The following FUZ variants were observed in gnomAD, a reference collection of about 807,000 sequenced individuals.
FUZ encodes the protein fuzzy planar cell polarity protein.
In FUZ, 31 loss-of-function variants were observed where a neutral mutation model predicts 43.1. That is an observed-to-expected ratio of 0.72 (90% CI 0.54 to 0.97). The LOEUF (loss-of-function observed/expected upper bound fraction) is 0.97, where lower values mean the gene tolerates loss of function less well. Among genes scored for constraint, FUZ ranks in the 50% least tolerant of loss-of-function variants. The probability of loss-of-function intolerance (pLI) is 0.00; values close to 1 mark genes in which losing one functional copy is unlikely to be tolerated. For synonymous variants in FUZ, 274 were observed against 250.0 expected (o/e 1.10, Z -0.91); for missense variants, 539 against 543.8 (o/e 0.99, Z 0.09).
chr19:49,812,836 G>T, intron 1 of FUZ, 100 bp from the exon 2 acceptor site: 1 of 1,501,928 alleles, frequency 6.7e-7, no homozygotes, highest in South Asian at 1.1e-5. Flanking sequence ...CTTTCCATAT[G>T]ACCTGGCAGT....
chr19:49,809,956 C>T lies in FUZ; in HGVS notation c.493-381G>A. 1 of 374,938 alleles carries T rather than the reference C, an allele frequency of 2.7e-6. No homozygotes were observed. The highest frequency in any genetic ancestry group is 5.1e-6 in the Non-Finnish European group (1 of 197,792). 23.2% of individuals were successfully genotyped at this position (374,938 alleles called of 1,614,324 possible). On this transcript the variant is annotated intron_variant, in intron 5 of 10. Transcript: ENST00000313777. The surrounding 1 kb of genome is among the most constrained non-coding windows in gnomAD (Gnocchi z 5.1). ...GGGAGGCCGCCACACCAGGCAAGTC[C>T]ACAAGAGCAGTATTTAAGTAGAGGT...
chr19:49,807,027 C>G lies in FUZ; in HGVS notation c.*124G>C. On this transcript the variant is annotated 3_prime_UTR_variant, in exon 11 of 11. Coordinates refer to ENST00000313777, the MANE Select transcript of FUZ (RefSeq NM_025129.5). ...AGGGAAGTGGATGTCTCCTCCCCTC[C>G]CACCCCACCCTGTTGTAGCCCCTCC... The G allele has an allele frequency of 6.7e-7, 1 of 1,484,886 alleles. No individual in the cohort carries two copies. Among genetic ancestry groups the G allele is most frequent in the Non-Finnish European group, 9.0e-7 (1 of 1,106,382 alleles). The allele number at this position is 1,484,886 out of a possible 1,614,324, so 92.0% of individuals were successfully genotyped here. A position where few individuals can be genotyped will look rare whatever the true frequency, so the allele number is the denominator to read the frequency against.
In FUZ at chr19:49,808,701, T is replaced by G. The variant is rs1047400859; in HGVS notation, c.893+16A>C. On this transcript the variant is annotated intron_variant, in intron 8 of 10. Coordinates refer to ENST00000313777, the MANE Select transcript of FUZ (RefSeq NM_025129.5). The stretch of plus-strand genomic sequence containing the variant: ...AGGACATGACCCCCGACCCACTCCC[T>G]CCATCCGAGCCCTACCCGAGGATGT... 1 of 1,599,008 alleles carries G rather than the reference T, an allele frequency of 6.3e-7. No individual in the cohort carries two copies. The highest frequency in any genetic ancestry group is 1.7e-4 in the Middle Eastern group (1 of 6,048).
chr19:49,811,201 GAAAAAAA>G (rs55810357), intron 5 of FUZ, 155 bp downstream of exon 5: 1 of 530,688 alleles, frequency 1.9e-6, no homozygotes. Flanking sequence ...AGAAAGAAAA[GAAAAAAA>G]AAAAAGAAAA....
Position 49,806,894 on chromosome 19 carries a change from G to A in FUZ, c.*257C>T, listed in dbSNP as rs915583628. On this transcript the variant is annotated 3_prime_UTR_variant, in exon 11 of 11. Transcript: ENST00000313777. ...GGGGGATGCCTGGGACTTTCCTCCG[G>A]CCTTTTGTATTTTTATTTTTGTTCA... 1 of 1,543,426 alleles carries A rather than the reference G, an allele frequency of 6.5e-7. No individual in the cohort carries two copies. Among genetic ancestry groups the A allele is most frequent in the South Asian group, 1.2e-5 (1 of 84,590 alleles).
intron 5 of FUZ, among the ~76,000 whole-genome samples, chr19:49,810,786 G>GCCGTGAGCTATGA (rs2073738810): frequency 3.3e-5 from 5 of 152,242 alleles, no homozygotes; most frequent in African/African-American, 9.6e-5. Flanking sequence ...GGAGTTCAAG[G>GCCGTGAGCTATGA]CTGCAGTGAG....
rs747193091 is a variant in FUZ at position 49,808,702 on chromosome 19, C to A, written c.893+15G>T. The A allele has an allele frequency of 1.4e-5, 23 of 1,598,324 alleles. No homozygotes were observed. The highest frequency in any genetic ancestry group is 1.9e-5 in the Non-Finnish European group (22 of 1,172,566). The stretch of plus-strand genomic sequence containing the variant: ...GGACATGACCCCCGACCCACTCCCT[C>A]CATCCGAGCCCTACCCGAGGATGTC... On this transcript the variant is annotated intron_variant, in intron 8 of 10. Transcript: ENST00000313777.
intron 7 of FUZ, 78 bp from the exon 8 acceptor site, chr19:49,808,901 A>AGGGGCGTGGTCAATCGGGAGGGGC: frequency 9.9e-7 from 1 of 1,011,738 alleles, no homozygotes; most frequent in Non-Finnish European, 1.4e-6. Context: ...GTACAAGGAT[A>AGGGGCGTGGTCAATCGGGAGGGGC]GGGGCGTGGT....
chr19:49,806,956 T>G lies in FUZ; in HGVS notation c.*195A>C. 6.5e-7 allele frequency: 1 copy of G among 1,530,064 alleles called. No homozygotes were observed. The allele number at this position is 1,530,064 out of a possible 1,614,324, so 94.8% of individuals were successfully genotyped here. On this transcript the variant is annotated 3_prime_UTR_variant, in exon 11 of 11. Transcript: ENST00000313777. ...TTACATTCTGGGGGGTTAGGGGGAG[T>G]CCCCCTCCCTCCCTTTCCCCCCCAA...
chr19:49,812,446 C>T (rs1459806078), intron 2 of FUZ, 111 bp from the exon 3 acceptor site: 10 of 1,307,304 alleles, frequency 7.6e-6, no homozygotes, highest in Admixed American at 5.4e-5. Context: ...CTCAGACCAA[C>T]CTGCCTTTCT....
At chr19:49,812,020 A>T (rs2073817690) in intron 3 of FUZ, among the ~76,000 whole-genome samples, 1 of 152,200 alleles carries the variant, frequency 6.6e-6, no homozygotes, top group Non-Finnish European at 1.5e-5. Context: ...AGGCACGAGA[A>T]TCGCTTGAAC....
rs776318983 is a variant in FUZ, at chr19:49,812,708, T to C, written c.140A>G (p.Asn47Ser). Reference sequence around the variant, plus strand: ...ATTCTGCCCAAACATGTGGACTCCATTGAGGGAACCGATGACAGAGAACGG... The same window carrying C: ...ATTCTGCCCAAACATGTGGACTCCACTGAGGGAACCGATGACAGAGAACGG... The part of the protein sequence containing the change: ...QLPFSVIGSL[N>S]GVHMFGQNLE... Residue 47 changes from asparagine (N) to serine (S), a missense_variant, in exon 2 of 11, where the codon AAT becomes AGT. By Grantham distance (46) the Asn-to-Ser change is conservative (BLOSUM62 1). Coordinates refer to ENST00000313777, the MANE Select transcript of FUZ (RefSeq NM_025129.5). 8.1e-6 allele frequency: 13 copies of C among 1,613,816 alleles called. No homozygotes were observed. Among genetic ancestry groups the C allele is most frequent in the South Asian group, 2.2e-5 (2 of 91,064 alleles).
upstream of FUZ, chr19:49,813,312 G>A (rs1000978206): frequency 3.1e-5 from 21 of 669,538 alleles, no homozygotes; most frequent in Non-Finnish European, 5.5e-5. Flanking sequence ...AAACCCATTA[G>A]GTTCTCTTCC....
rs753787459 is a variant in FUZ at position 49,807,225 on chromosome 19, A to ACAGCAG, written c.1177_1182dup (p.Leu393_Leu394dup). 1.2e-6 allele frequency: 2 copies of ACAGCAG among 1,610,178 alleles called. No homozygotes were observed. Among genetic ancestry groups the ACAGCAG allele is most frequent in the Non-Finnish European group, 1.7e-6 (2 of 1,179,238 alleles). On this transcript the variant is annotated inframe_insertion, in exon 11 of 11. Transcript: ENST00000313777. ...AGCCCATGGGTGGGACTCTGGGGAG[A>ACAGCAG]CAGCAGCAGCAGCAGCCGCCGAAGC...
In FUZ at chr19:49,809,387, C is replaced by G. The variant is rs2073635307; in HGVS notation, c.681G>C (p.Gly227=). Residue 227 remains glycine (G), a synonymous_variant, in exon 6 of 11, where the codon GGG becomes GGC. Transcript: ENST00000313777. This position sits in a 1 kb window ranked among gnomAD's most constrained non-coding sequence, Gnocchi z 5.1. ...ARDYPVYLPH[G]SPTVPHRLLT... ...CCCGCCACCCACTCACCGTGGGGCT[C>G]CCGTGCGGCAGGTACACCGGGTAGT... The G allele has an allele frequency of 6.5e-7, 1 of 1,544,280 alleles. No homozygotes were observed. Among genetic ancestry groups the G allele is most frequent in the Admixed American group, 2.0e-5 (1 of 50,976 alleles).
Position 49,809,299 on chromosome 19 carries a change from C to T in FUZ, c.691-41G>A. The T allele has an allele frequency of 6.5e-7, 1 of 1,549,286 alleles. No individual in the cohort carries two copies. ...GGCTGGGGCTCATCGCGGCCCGGCC[C>T]CTTTCCATCGCAGATCCCGCCTCCT... On this transcript the variant is annotated intron_variant, in intron 6 of 10. Coordinates refer to ENST00000313777, the MANE Select transcript of FUZ (RefSeq NM_025129.5). The surrounding 1 kb of genome is among the most constrained non-coding windows in gnomAD (Gnocchi z 5.1).
At chr19:49,808,060 C>A in intron 10 of FUZ, 1 of 382,946 alleles carries the variant, frequency 2.6e-6, no homozygotes, top group South Asian at 2.2e-5. Flanking sequence ...ATGAGCTGAG[C>A]CTCAGTTTCC....
In FUZ at chr19:49,809,090, G is replaced by T; in HGVS notation, c.786+73C>A. ...GCTGGGGAAAGATGCCGCTGGCAGG[G>T]CAGGGTGGTGGGGAAGGGCCCTCCT... On this transcript the variant is annotated intron_variant, in intron 7 of 10. Coordinates refer to ENST00000313777, the MANE Select transcript of FUZ (RefSeq NM_025129.5). The surrounding 1 kb of genome is among the most constrained non-coding windows in gnomAD (Gnocchi z 5.1). The T allele has an allele frequency of 7.3e-7, 1 of 1,365,880 alleles. No homozygotes were observed. The highest frequency in any genetic ancestry group is 1.0e-6 in the Non-Finnish European group (1 of 979,240). The allele number at this position is 1,365,880 out of a possible 1,614,324, so 84.6% of individuals were successfully genotyped here.
Position 49,809,504 on chromosome 19 carries a change from C to T in FUZ, c.564G>A (p.Val188=), listed in dbSNP as rs1202616216. ...GCCGCCACCAACCCTCTGTTGCTGC[C>T]ACCACCCGGCCGGACACCACCAGAC... ...FVSLVVSGRV[V]AATEGWWRLG... Residue 188 remains valine, a synonymous_variant, in exon 6 of 11, where the codon GTG becomes GTA. Coordinates refer to ENST00000313777, the MANE Select transcript of FUZ (RefSeq NM_025129.5). This position sits in a 1 kb window ranked among gnomAD's most constrained non-coding sequence, Gnocchi z 5.1. 1.9e-6 allele frequency: 3 copies of T among 1,595,158 alleles called. No homozygotes were observed. Among genetic ancestry groups the T allele is most frequent in the Non-Finnish European group, 1.7e-6 (2 of 1,174,666 alleles).
Sources: allele counts gnomAD v4.1 joint callset (sites outside exome capture counted in the v4.1 genomes callset), GRCh38; gene constraint gnomAD v4.1.1; non-coding constraint Gnocchi (gnomAD v3.1); transcripts MANE v1.5; gene names NCBI Gene and HGNC (gene_info 2026-07-23, HGNC 2026-07-21).